Variants in PICK1 observed in about 807,000 individuals in gnomAD.
PICK1 encodes the protein PRKCA-binding protein.
PICK1 carries 23 observed loss-of-function variants against 48.9 expected under a neutral mutation model. The ratio of observed to expected loss-of-function variants is 0.47; its 90% CI spans 0.34 to 0.67. The LOEUF is 0.67. PICK1 is among the 30% of genes least tolerant of loss of function. The probability of loss-of-function intolerance (pLI) is 0.01; values close to 1 mark genes in which losing one functional copy is unlikely to be tolerated. For synonymous variants in PICK1, 217 were observed against 228.2 expected, an observed-to-expected ratio of 0.95 and a Z score of 0.44; for missense variants, 423 against 557.1, an observed-to-expected ratio of 0.76 and a Z score of 2.42.
intron 3 of PICK1, among the ~76,000 whole-genome samples, chr22:38,061,185 A>G (rs2085392056): frequency 6.6e-6 from 1 of 152,036 alleles, no homozygotes; most frequent in Non-Finnish European, 1.5e-5. Context: ...CTACTAAAAT[A>G]CAAAAATTAG....
chr22:38,068,815 G>A (rs1445367293), intron 5 of PICK1, among the ~76,000 whole-genome samples: 1 of 152,190 alleles, frequency 6.6e-6, no homozygotes, highest in Non-Finnish European at 1.5e-5. Flanking sequence ...TGGGCGAAGC[G>A]CTTCATGTTT....
intron 3 of PICK1, 113 bp from the exon 4 acceptor site, chr22:38,064,889 A>G: frequency 7.6e-7 from 1 of 1,309,716 alleles, no homozygotes; most frequent in East Asian, 2.3e-5. Flanking sequence ...TTTCTCAAAA[A>G]ACGAGAGCAG....
chr22:38,070,948 A>G, intron 7 of PICK1, 57 bp downstream of exon 7: 1 of 1,436,358 alleles, frequency 7.0e-7, no homozygotes, highest in African/African-American at 1.4e-5. Flanking sequence ...GCATGCTCTC[A>G]GCAGAGTGGC....
intron 3 of PICK1, among the ~76,000 whole-genome samples, chr22:38,064,032 C>T (rs1302131639): frequency 6.6e-6 from 1 of 152,060 alleles, no homozygotes; most frequent in Non-Finnish European, 1.5e-5. Context: ...ACATTTAGGT[C>T]TTTGAACAAT....
In PICK1 at chr22:38,075,350, C is replaced by G. The variant is rs2085816798; in HGVS notation, c.*218C>G. 1 of 555,276 alleles carries G rather than the reference C, an allele frequency of 1.8e-6. No homozygotes were observed. The highest frequency in any genetic ancestry group is 2.6e-5 in the South Asian group (1 of 38,084). The allele number at this position is 555,276 out of a possible 1,614,324, so 34.4% of individuals were successfully genotyped here. The stretch of plus-strand genomic sequence containing the variant: ...CTGGACACTGGCCCCTCCACCCTCC[C>G]TCCCCTCCCGGCTCCCCGGCCAGAG... On this transcript the variant is annotated 3_prime_UTR_variant, in exon 13 of 13. Transcript: ENST00000356976.
intron 5 of PICK1, 115 bp downstream of exon 5, chr22:38,067,885 G>A: frequency 1.1e-6 from 1 of 879,252 alleles, no homozygotes; most frequent in South Asian, 1.4e-5. Context: ...AGAATCCAGA[G>A]TTACATGGCT....
rs2085793318 is a variant in PICK1, at chr22:38,074,722, G to C, written c.980-142G>C. 4 of 1,174,508 alleles carry C rather than the reference G, an allele frequency of 3.4e-6. No homozygotes were observed. The East Asian group carries it at 1.0e-4, about 29-fold the overall frequency. 72.8% of individuals were successfully genotyped at this position (1,174,508 alleles called of 1,614,324 possible). ...TGGGCGGCCCCTGCCTCCGCCCCTT[G>C]CCAGGTCATGAGGGGTCAGGGAAGT... On this transcript the variant is annotated intron_variant, in intron 12 of 12. Transcript: ENST00000356976. The surrounding 1 kb of genome is among the most constrained non-coding windows in gnomAD (Gnocchi z 4.5).
rs755889770 is a variant in PICK1, at chr22:38,072,609, C to A, written c.689C>A (p.Pro230Gln). ...FGIRLLKTIK[P>Q]MLTDLNTYLN... ...ATTCGGCTTCTGAAAACCATCAAGC[C>A]GGTAGGTCCTATTGAGCATGTGTGT... The change falls in exon 9 of 13, where the codon CCG becomes CAG. Residue 230 changes from proline (P) to glutamine (Q), a missense_variant and splice_region_variant. Physicochemically the swap from Pro to Gln is moderately conservative, Grantham distance 76. Coordinates refer to ENST00000356976, the MANE Select transcript of PICK1 (RefSeq NM_012407.4). 3 of 1,613,150 alleles carry A rather than the reference C, an allele frequency of 1.9e-6. No individual in the cohort carries two copies. The highest frequency in any genetic ancestry group is 2.2e-5 in the South Asian group (2 of 91,078).
chr22:38,059,214 T>C lies in PICK1; in HGVS notation c.42-20T>C. ...CATCCTTCTGCCAGGAGAGTCAGCC[T>C]AGCTTGCTTTCCTTTCTAGCGGAAT... On this transcript the variant is annotated intron_variant, in intron 2 of 12. Transcript: ENST00000356976. 1 of 1,540,376 alleles carries C rather than the reference T, an allele frequency of 6.5e-7. No homozygotes were observed. Among genetic ancestry groups the C allele is most frequent in the Non-Finnish European group, 8.8e-7 (1 of 1,134,078 alleles).
chr22:38,066,824 G>A lies in PICK1; in HGVS notation c.283-880G>A, dbSNP rs2085536017. ...GTTTGCAAGGATGAGAGTGAACACA[G>A]CGCCCTCCCGTGCTCAGGCAAGTCC... On this transcript the variant is annotated intron_variant, in intron 4 of 12. Coordinates refer to ENST00000356976, the MANE Select transcript of PICK1 (RefSeq NM_012407.4). The surrounding 1 kb of genome is among the most constrained non-coding windows in gnomAD (Gnocchi z 4.1). Among the ~76,000 whole-genome samples the A allele has an allele frequency of 6.6e-6, 1 of 152,248 alleles. No homozygotes were observed. Among genetic ancestry groups the A allele is most frequent in the Non-Finnish European group, 1.5e-5 (1 of 68,044 alleles).
chr22:38,074,571 C>A lies in PICK1; in HGVS notation c.979+120C>A. ...TGTAAAGCCCCTCCAGGAGCCCAGC[C>A]ATCTGCCCAGAGCCTGGCCTGGGTG... On this transcript the variant is annotated intron_variant, in intron 12 of 12. Transcript: ENST00000356976. The surrounding 1 kb of genome is among the most constrained non-coding windows in gnomAD (Gnocchi z 4.5). 1 of 1,392,714 alleles carries A rather than the reference C, an allele frequency of 7.2e-7. No homozygotes were observed. The highest frequency in any genetic ancestry group is 1.2e-5 in the South Asian group (1 of 81,004). The allele number at this position is 1,392,714 out of a possible 1,614,324, so 86.3% of individuals were successfully genotyped here. A position where few individuals can be genotyped will look rare whatever the true frequency, so the allele number is the denominator to read the frequency against.
chr22:38,070,748 TG>T, intron 6 of PICK1, 89 bp from the exon 7 acceptor site: 1 of 1,075,140 alleles, frequency 9.3e-7, no homozygotes, highest in Non-Finnish European at 1.4e-6. Context: ...GGTTCTCCTC[TG>T]GGGTTGCCTC....
In PICK1 at chr22:38,075,519, C is replaced by T. The variant is rs983182547; in HGVS notation, c.*387C>T. ...GGAGCCTGCTGGGAGTGGGGCCAGC[C>T]GTGGACAGCTGAGGTTGGGGTCAAT... On this transcript the variant is annotated 3_prime_UTR_variant, in exon 13 of 13. Transcript: ENST00000356976. 3 of 212,010 alleles carry T rather than the reference C, an allele frequency of 1.4e-5. No homozygotes were observed. The highest frequency in any genetic ancestry group is 2.9e-5 in the Non-Finnish European group (3 of 104,374). The allele number at this position is 212,010 out of a possible 1,614,324, so 13.1% of individuals were successfully genotyped here. A position where few individuals can be genotyped will look rare whatever the true frequency, so the allele number is the denominator to read the frequency against.
At position 38,074,693 on chromosome 22, in the gene PICK1, G is replaced by A. The variant is rs940185490; in HGVS notation, c.980-171G>A. Among the ~76,000 whole-genome samples the A allele has an allele frequency of 6.6e-6, 1 of 152,168 alleles. No individual in the cohort carries two copies. Among genetic ancestry groups the A allele is most frequent in the Non-Finnish European group, 1.5e-5 (1 of 68,026 alleles). ...CCTGAACTGGGAGCGGGGAGGCCCC[G>A]GGCTGGGCGGCCCCTGCCTCCGCCC... On this transcript the variant is annotated intron_variant, in intron 12 of 12. Transcript: ENST00000356976. The surrounding 1 kb of genome is among the most constrained non-coding windows in gnomAD (Gnocchi z 4.5).
rs1460371188 is a variant in PICK1 at position 38,070,876 on chromosome 22, G to A, written c.478G>A (p.Ala160Thr). Residue 160 changes from alanine (A) to threonine (T), a missense_variant, in exon 7 of 13, where the codon GCT becomes ACT. Ala to Thr is a moderately conservative substitution (Grantham distance 58). This residue lies in a region of PICK1 where 279 missense variants were observed against 417.8 expected (regional missense o/e 0.67). Transcript: ENST00000356976. ...VKRLEELERTAELYKGMTEHT... is the reference protein window; with the variant it reads ...VKRLEELERTTELYKGMTEHT... The stretch of plus-strand genomic sequence containing the variant: ...GAGGCTAGAGGAGCTGGAGCGGACC[G>A]CTGAGCTATACAAAGGTGGGTGGGG... 1.1e-5 allele frequency: 18 copies of A among 1,613,760 alleles called. No individual in the cohort carries two copies. The highest frequency in any genetic ancestry group is 1.5e-5 in the Non-Finnish European group (18 of 1,179,934).
At chr22:38,059,084 G>A (rs2085338308) in intron 2 of PICK1, 150 bp from the exon 3 acceptor site, 1 of 676,476 alleles carries the variant, frequency 1.5e-6, no homozygotes, top group Non-Finnish European at 2.7e-6. Context: ...TCCAAGAGCT[G>A]TGCATGTTCC....
At position 38,075,147 on chromosome 22, in the gene PICK1, T is replaced by G; in HGVS notation, c.*15T>G. On this transcript the variant is annotated 3_prime_UTR_variant, in exon 13 of 13. Transcript: ENST00000356976. ...GTGACTCCTGAGTGCCCCGCGGCTGTGGTGCCGGGGGCAGGGTGCGTGGGA... is the reference window on the plus strand; with the variant it reads ...GTGACTCCTGAGTGCCCCGCGGCTGGGGTGCCGGGGGCAGGGTGCGTGGGA... The G allele has an allele frequency of 6.2e-7, 1 of 1,603,986 alleles. No homozygotes were observed. Among genetic ancestry groups the G allele is most frequent in the African/African-American group, 1.3e-5 (1 of 74,846 alleles).
At position 38,073,123 on chromosome 22, in the gene PICK1, G is replaced by A. The variant is rs1184667085; in HGVS notation, c.783+31G>A. ...TAGTCCAGGTGCCCAGGCTGCTAGG[G>A]CAAGCGCCCACCCTGGAGATCTGCC... On this transcript the variant is annotated intron_variant, in intron 10 of 12. Transcript: ENST00000356976. This position sits in a 1 kb window ranked among gnomAD's most constrained non-coding sequence, Gnocchi z 5.7. 1.4e-6 allele frequency: 2 copies of A among 1,429,722 alleles called. No individual in the cohort carries two copies. Among genetic ancestry groups the A allele is most frequent in the Non-Finnish European group, 2.0e-6 (2 of 1,012,312 alleles). The allele number at this position is 1,429,722 out of a possible 1,614,324, so 88.6% of individuals were successfully genotyped here.
rs531383031 is a variant in PICK1 at position 38,068,078 on chromosome 22, G to A, written c.349+308G>A. On this transcript the variant is annotated intron_variant, in intron 5 of 12. Coordinates refer to ENST00000356976, the MANE Select transcript of PICK1 (RefSeq NM_012407.4). ...CTAGGGTTGTCCTTTGCAGGCCAGC[G>A]CCTCGGCTTCCATGGCCCAGGGCCT... The A allele has an allele frequency of 3.7e-4, 195 of 522,090 alleles. 1 individual carries two copies. Among genetic ancestry groups the A allele is most frequent in the Non-Finnish European group, 6.3e-4 (165 of 260,266 alleles). The allele number at this position is 522,090 out of a possible 1,614,324, so 32.3% of individuals were successfully genotyped here.
Sources: allele counts gnomAD v4.1 joint callset (sites outside exome capture counted in the v4.1 genomes callset), GRCh38; gene constraint gnomAD v4.1.1; regional missense constraint gnomAD v4.1.1; non-coding constraint Gnocchi (gnomAD v3.1); transcripts MANE v1.5; gene names NCBI Gene and HGNC (gene_info 2026-07-23, HGNC 2026-07-21).